SPATA18: variants seen among roughly 807,000 people sequenced by gnomAD.
The protein encoded by SPATA18 is spermatogenesis associated 18, also known as mitochondria-eating protein.
In SPATA18, 54 loss-of-function variants were observed where a neutral mutation model predicts 68.1. The observed-to-expected ratio is 0.79, with a 90% confidence interval of 0.64 to 0.99. The LOEUF is 0.99. SPATA18 is among the 50% of genes least tolerant of loss of function. The pLI is 0.00. For missense variants in SPATA18, 724 were observed against 681.1 expected (o/e 1.06, Z -0.70); for synonymous variants, 242 against 244.8 (o/e 0.99, Z 0.11).
rs186582747 is a variant in SPATA18 at position 52,097,068 on chromosome 4, C to G, written c.*2181C>G. ...AACTACACAAGGAAAGCTAAATAGT[C>G]TGGAAAATTTTTGGAAAGAATCCAC... On this transcript the variant is annotated 3_prime_UTR_variant, in exon 13 of 13. Coordinates refer to ENST00000295213, the MANE Select transcript of SPATA18 (RefSeq NM_145263.4). 3 of 152,248 alleles carry G rather than the reference C, an allele frequency of 2.0e-5. No individual in the cohort carries two copies. Among genetic ancestry groups the G allele is most frequent in the Admixed American group, 6.5e-5 (1 of 15,282 alleles). The allele number at this position is 152,248 out of a possible 1,614,324, so 9.4% of individuals were successfully genotyped here. A position where few individuals can be genotyped will look rare whatever the true frequency, so the allele number is the denominator to read the frequency against.
In SPATA18 at chr4:52,087,451, T is replaced by A. The variant is rs182619730; in HGVS notation, c.1563+2452T>A. Among the ~76,000 whole-genome samples the A allele has an allele frequency of 3.3e-5, 5 of 152,334 alleles. No individual in the cohort carries two copies. In the East Asian group the frequency reaches 9.6e-4, roughly 29 times the overall value. ...CTTGAGTTGATTTTTGTAAAAGGTG[T>A]AAGGAAGGGGTCCAGTTTCAGTTTT... On this transcript the variant is annotated intron_variant, in intron 11 of 12. Transcript: ENST00000295213.
intron 6 of SPATA18, among the ~76,000 whole-genome samples, chr4:52,076,526 C>G (rs978617744): frequency 1.1e-4 from 17 of 152,124 alleles, no homozygotes; most frequent in African/African-American, 3.4e-4. Flanking sequence ...GTTTATGGGT[C>G]AAAATCGGAC....
chr4:52,090,273 C>T (rs1014485233), intron 11 of SPATA18, among the ~76,000 whole-genome samples: 2 of 152,076 alleles, frequency 1.3e-5, no homozygotes, highest in South Asian at 2.1e-4. Context: ...GCATTTAGTC[C>T]GTTTACATTT....
At position 52,069,858 on chromosome 4, in the gene SPATA18, A is replaced by G. The variant is rs1739646269; in HGVS notation, c.460A>G (p.Asn154Asp). Reference protein sequence around the residue: ...ETEKNLEESKNRSAISLLAAE... With the variant: ...ETEKNLEESKDRSAISLLAAE... ...TGAAAAGAATCTTGAAGAAAGCAAG[A>G]ACAGATCGGCCATATCCCTTTTGGC... Residue 154 changes from asparagine to aspartate, a missense_variant, in exon 5 of 13, where the codon AAC becomes GAC. Asn to Asp is a conservative substitution (Grantham distance 23). Coordinates refer to ENST00000295213, the MANE Select transcript of SPATA18 (RefSeq NM_145263.4). The G allele has an allele frequency of 6.3e-7, 1 of 1,598,896 alleles. No homozygotes were observed. Among genetic ancestry groups the G allele is most frequent in the Non-Finnish European group, 8.5e-7 (1 of 1,170,640 alleles).
intron 10 of SPATA18, chr4:52,083,408 A>C (rs1741125030): frequency 1.0e-6 from 1 of 985,396 alleles, no homozygotes; most frequent in Non-Finnish European, 1.2e-6. Context: ...TTGTAGCTTA[A>C]AAATCCCATT....
In SPATA18 at chr4:52,072,092, C is replaced by A; in HGVS notation, c.694C>A (p.Gln232Lys). The A allele has an allele frequency of 6.2e-7, 1 of 1,614,076 alleles. No homozygotes were observed. Residue 232 changes from glutamine (Q) to lysine (K), a missense_variant, in exon 6 of 13, where the codon CAG (glutamine) becomes AAG (lysine). By Grantham distance (53) the Gln-to-Lys change is moderately conservative (BLOSUM62 1). Transcript: ENST00000295213. ...DTEAMSDYKK[Q>K]LRNLKEEIAV... ...AGAAGCCATGTCCGATTATAAGAAA[C>A]AGCTCCGAAACCTGAAGGAGGAGAT...
intron 11 of SPATA18, among the ~76,000 whole-genome samples, chr4:52,092,688 A>C (rs935552650): frequency 1.3e-5 from 2 of 152,154 alleles, no homozygotes; most frequent in Non-Finnish European, 2.9e-5. Flanking sequence ...TACGGACTTT[A>C]ATGAGCATCT....
intron 1 of SPATA18, among the ~76,000 whole-genome samples, chr4:52,057,784 A>G (rs1425250615): frequency 6.6e-6 from 1 of 152,230 alleles, no homozygotes; most frequent in Non-Finnish European, 1.5e-5. Flanking sequence ...ATGCTACCTC[A>G]TAGGTGCCAA....
intron 6 of SPATA18, among the ~76,000 whole-genome samples, chr4:52,072,679 T>C (rs1739967124): frequency 6.6e-6 from 1 of 152,192 alleles, no homozygotes; most frequent in Non-Finnish European, 1.5e-5. Flanking sequence ...GTGCTGGGAT[T>C]ACAGGCATGA....
At chr4:52,082,847 C>A in intron 10 of SPATA18, 1 of 985,336 alleles carries the variant, frequency 1.0e-6, no homozygotes, top group Middle Eastern at 5.2e-4. Context: ...ATCCTAAGCA[C>A]TTAAAATCAA....
intron 5 of SPATA18, among the ~76,000 whole-genome samples, 157 bp from the exon 6 acceptor site, chr4:52,071,760 A>C (rs1307179359): frequency 6.6e-6 from 1 of 152,110 alleles, no homozygotes; most frequent in Non-Finnish European, 1.5e-5. Context: ...TTGTTCATTC[A>C]TGTGTATTTC....
intron 10 of SPATA18, chr4:52,082,892 T>G (rs933981254): frequency 1.0e-6 from 1 of 985,412 alleles, no homozygotes; most frequent in Non-Finnish European, 1.2e-6. Context: ...AAATTTTTAC[T>G]GACGATTTTC....
At chr4:52,071,416 T>C (rs1739830587) in intron 5 of SPATA18, among the ~76,000 whole-genome samples, 1 of 152,236 alleles carries the variant, frequency 6.6e-6, no homozygotes, top group Admixed American at 6.5e-5. Context: ...ATTTCCATTG[T>C]AGTTTTCTCT....
chr4:52,077,043 A>C lies in SPATA18; in HGVS notation c.1020+3A>C, dbSNP rs751523058. The C allele has an allele frequency of 1.9e-6, 3 of 1,594,708 alleles. No individual in the cohort carries two copies. The highest frequency in any genetic ancestry group is 2.6e-6 in the Non-Finnish European group (3 of 1,169,704). On this transcript the variant is annotated splice_donor_region_variant and intron_variant, in intron 7 of 12. Transcript: ENST00000295213. ...GGATCATCTACATCGCCACAGTGGT[A>C]TGTGACGCCTGCGGGACTCCCGGCT... is the stretch of plus-strand genomic sequence containing the variant.
chr4:52,076,306 A>C (rs758098528), intron 6 of SPATA18, among the ~76,000 whole-genome samples: 4 of 152,176 alleles, frequency 2.6e-5, no homozygotes, highest in Non-Finnish European at 4.4e-5. Flanking sequence ...GGAAGGATAC[A>C]TGAAAATTTT....
chr4:52,053,146 A>C (rs941414025), intron 1 of SPATA18, among the ~76,000 whole-genome samples: 3 of 152,228 alleles, frequency 2.0e-5, no homozygotes, highest in Non-Finnish European at 2.9e-5. Flanking sequence ...TTTTAAAAAA[A>C]CATGTTGTTT....
chr4:52,063,724 C>A (rs1346975125), intron 4 of SPATA18, among the ~76,000 whole-genome samples: 1 of 152,124 alleles, frequency 6.6e-6, no homozygotes, highest in Admixed American at 6.5e-5. Flanking sequence ...TGTATACTCT[C>A]CTGGTGACGG....
At chr4:52,053,562 G>A (rs930092356) in intron 1 of SPATA18, among the ~76,000 whole-genome samples, 2 of 152,096 alleles carry the variant, frequency 1.3e-5, no homozygotes, top group Non-Finnish European at 2.9e-5. Flanking sequence ...ACTGCCCATT[G>A]GACATCTTTC....
chr4:52,089,533 G>A (rs1359340295), intron 11 of SPATA18, among the ~76,000 whole-genome samples: 2 of 152,066 alleles, frequency 1.3e-5, no homozygotes, highest in East Asian at 1.9e-4. Flanking sequence ...CCTTCATTTC[G>A]TTATTTACCC....
Sources: allele counts gnomAD v4.1 joint callset (sites outside exome capture counted in the v4.1 genomes callset), GRCh38; gene constraint gnomAD v4.1.1; transcripts MANE v1.5; gene names NCBI Gene and HGNC (gene_info 2026-07-23, HGNC 2026-07-21).